EDIL3: variants seen among roughly 807,000 people sequenced by gnomAD.
The protein encoded by EDIL3 is EGF like and discoidin domains 3, also known as EGF-like repeat and discoidin I-like domain-containing protein 3.
EDIL3 carries 37 observed loss-of-function variants against 67.4 expected under a neutral mutation model. That is an observed-to-expected ratio of 0.55 (90% confidence interval 0.42 to 0.72). EDIL3 has a LOEUF of 0.72. EDIL3 is among the 30% of genes least tolerant of loss of function. EDIL3 has a pLI of 0.00. For missense variants in EDIL3, 527 were observed against 586.3 expected (o/e 0.90, Z 1.04); for synonymous variants, 195 against 196.3 (o/e 0.99, Z 0.05).
At chr5:84,185,597 A>G (rs923719373) in intron 3 of EDIL3, among the ~76,000 whole-genome samples, 2 of 152,146 alleles carry the variant, frequency 1.3e-5, no homozygotes, top group East Asian at 3.8e-4. Flanking sequence ...TGCTGCCTAC[A>G]CTGTATTCTA....
At chr5:84,258,127 T>C (rs1028087989) in intron 1 of EDIL3, among the ~76,000 whole-genome samples, 3 of 152,204 alleles carry the variant, frequency 2.0e-5, no homozygotes, top group African/African-American at 7.2e-5. Flanking sequence ...ATAGATTTTG[T>C]TTAAAATCTG....
intron 3 of EDIL3, among the ~76,000 whole-genome samples, chr5:84,207,823 C>T (rs1043367154): frequency 0.01 from 1,530 of 150,924 alleles, 28 homozygotes; most frequent in African/African-American, 0.035. Flanking sequence ...ATAAATGGTG[C>T]TGGGAAAACT....
At chr5:84,322,169 C>A (rs1449494888) in intron 1 of EDIL3, among the ~76,000 whole-genome samples, 2 of 151,204 alleles carry the variant, frequency 1.3e-5, no homozygotes, top group Non-Finnish European at 2.9e-5. Flanking sequence ...CAACAAACTT[C>A]ACGAGATATT....
At chr5:84,226,218 G>C (rs1744450373) in intron 3 of EDIL3, among the ~76,000 whole-genome samples, 1 of 151,542 alleles carries the variant, frequency 6.6e-6, no homozygotes, top group Non-Finnish European at 1.5e-5. Flanking sequence ...ACAGGAAAGA[G>C]ACATAAGTTA....
chr5:84,013,367 T>C (rs1238814122), intron 9 of EDIL3, among the ~76,000 whole-genome samples: 1 of 152,154 alleles, frequency 6.6e-6, no homozygotes, highest in Non-Finnish European at 1.5e-5. Flanking sequence ...ATTTGTAGTT[T>C]AGAGCAAGAG....
intron 3 of EDIL3, among the ~76,000 whole-genome samples, chr5:84,185,650 A>G (rs986467731): frequency 1.3e-5 from 2 of 152,138 alleles, no homozygotes; most frequent in African/African-American, 4.8e-5. Context: ...TTTTCACTCA[A>G]TAATTAAGTT....
At chr5:84,030,802 T>A (rs1745905638) in intron 9 of EDIL3, among the ~76,000 whole-genome samples, 1 of 152,138 alleles carries the variant, frequency 6.6e-6, no homozygotes, top group African/African-American at 2.4e-5. Flanking sequence ...CTTGACCGTT[T>A]TCAGATTCTC....
intron 9 of EDIL3, among the ~76,000 whole-genome samples, chr5:83,974,309 A>G (rs1744841760): frequency 6.6e-6 from 1 of 151,900 alleles, no homozygotes; most frequent in Non-Finnish European, 1.5e-5. Flanking sequence ...CGCTTTGGGA[A>G]AATGTGCCAT....
At chr5:84,052,789 G>C (rs1746366755) in intron 9 of EDIL3, among the ~76,000 whole-genome samples, 3 of 152,140 alleles carry the variant, frequency 2.0e-5, no homozygotes, top group Admixed American at 2.0e-4. Flanking sequence ...CCCAATACAG[G>C]AGCACCCAGA....
chr5:84,141,930 T>TATATATATATATATAC (rs1748201109), intron 4 of EDIL3, among the ~76,000 whole-genome samples: 7 of 125,636 alleles, frequency 5.6e-5, no homozygotes, highest in African/African-American at 2.2e-4. Flanking sequence ...TATACACATA[T>TATATATATATATATAC]ATATATATAT....
At chr5:84,383,372 C>T (rs1280020123) in intron 1 of EDIL3, among the ~76,000 whole-genome samples, 1 of 152,238 alleles carries the variant, frequency 6.6e-6, no homozygotes, top group African/African-American at 2.4e-5. Flanking sequence ...ACAAGCTGCA[C>T]CTCGCAGGGG....
At position 84,254,188 on chromosome 5, in the gene EDIL3, C is replaced by A; in HGVS notation, c.92G>T (p.Cys31Phe). The change falls in exon 2 of 11, where the codon TGT (cysteine) becomes TTT (phenylalanine). Residue 31 changes from cysteine to phenylalanine, a missense_variant. This residue lies in a region of EDIL3 where 494 missense variants were observed against 522.5 expected (regional missense o/e 0.95). Coordinates refer to ENST00000296591, the MANE Select transcript of EDIL3 (RefSeq NM_005711.5). ...TGGCAAACAGATACCTCCATTTTCA[C>A]ATGGATTGGGATCACAAATATCACC... ...GKGDICDPNP[C>F]ENGGICLPGL... The A allele has an allele frequency of 6.2e-7, 1 of 1,611,752 alleles. No homozygotes were observed. The highest frequency in any genetic ancestry group is 8.5e-7 in the Non-Finnish European group (1 of 1,178,820).
At chr5:84,181,623 T>C (rs948850299) in intron 3 of EDIL3, among the ~76,000 whole-genome samples, 1 of 152,162 alleles carries the variant, frequency 6.6e-6, no homozygotes, top group Non-Finnish European at 1.5e-5. Context: ...ATCACAGACA[T>C]TCCCCCCAAA....
In EDIL3 at chr5:83,943,411, G is replaced by T; in HGVS notation, c.*8C>A. ...ATAGGGAAGAGGGTTGTGAAATGTA[G>T]CCTCCCCTCATTCCTCCTCTGTGCA... On this transcript the variant is annotated 3_prime_UTR_variant, in exon 11 of 11. Coordinates refer to ENST00000296591, the MANE Select transcript of EDIL3 (RefSeq NM_005711.5). 6.2e-7 allele frequency: 1 copy of T among 1,611,852 alleles called. No individual in the cohort carries two copies. Among genetic ancestry groups the T allele is most frequent in the South Asian group, 1.1e-5 (1 of 91,040 alleles).
chr5:84,160,063 T>C (rs1201228650), intron 4 of EDIL3, among the ~76,000 whole-genome samples: 1 of 152,144 alleles, frequency 6.6e-6, no homozygotes, highest in Non-Finnish European at 1.5e-5. Context: ...ATTAATTTAA[T>C]AGATAACATA....
chr5:83,943,529 T>C lies in EDIL3; in HGVS notation c.1333A>G (p.Asn445Asp). 1 of 1,612,526 alleles carries C rather than the reference T, an allele frequency of 6.2e-7. No homozygotes were observed. The change falls in exon 11 of 11, where the codon AAT becomes GAT. Residue 445 changes from asparagine (N) to aspartate (D), a missense_variant. Around this residue, in one of 2 missense-constraint regions of EDIL3, gnomAD observed 33 missense variants for 63.7 expected, o/e 0.52. Coordinates refer to ENST00000296591, the MANE Select transcript of EDIL3 (RefSeq NM_005711.5). ...GCATAGATGGGAGGGTCGATGACAT[T>C]TTTTCTGTGAGTGTCATTGTCAAAA... The part of the protein sequence containing the change: ...GNFDNDTHRK[N>D]VIDPPIYARH...
At chr5:84,193,336 G>C (rs762819788) in intron 3 of EDIL3, among the ~76,000 whole-genome samples, 2 of 151,878 alleles carry the variant, frequency 1.3e-5, no homozygotes, top group African/African-American at 4.8e-5. Flanking sequence ...GAGAAGGGTC[G>C]AAGAAGACTA....
chr5:83,953,198 G>T (rs1448072890), intron 10 of EDIL3, among the ~76,000 whole-genome samples: 1 of 151,758 alleles, frequency 6.6e-6, no homozygotes, highest in African/African-American at 2.4e-5. Flanking sequence ...CAAATATTTT[G>T]AATATACTTA....
chr5:84,292,189 C>A (rs145385961), intron 1 of EDIL3, among the ~76,000 whole-genome samples: 1 of 152,180 alleles, frequency 6.6e-6, no homozygotes, highest in African/African-American at 2.4e-5. Context: ...GTCACTGCAG[C>A]TCCAGCCAAA....
Sources: gnomAD v4.1 joint callset for allele counts (sites outside exome capture counted in the v4.1 genomes callset) on GRCh38, gnomAD v4.1.1 for gene constraint, gnomAD v4.1.1 regional missense constraint, MANE v1.5 for transcripts, NCBI Gene and HGNC (gene_info 2026-07-23, HGNC 2026-07-21) for gene names.